The following SLC4A11 variants were observed in gnomAD, a reference collection of about 807,000 sequenced individuals.
SLC4A11 encodes bicarbonate transporter related protein 1.
A neutral mutation model predicts 95.0 loss-of-function variants in SLC4A11; 74 were observed. The observed-to-expected ratio is 0.78, with a 90% CI of 0.65 to 0.95. The LOEUF (loss-of-function observed/expected upper bound fraction) is 0.95, where lower values mean the gene tolerates loss of function less well. Among genes scored for constraint, SLC4A11 ranks in the 40% least tolerant of loss-of-function variants. SLC4A11 has a pLI of 0.00. For synonymous variants in SLC4A11, 548 were observed against 519.0 expected (o/e 1.06, Z -0.76); for missense variants, 1,081 against 1,192.4 (o/e 0.91, Z 1.38).
In SLC4A11 at chr20:3,229,711, C is replaced by T; in HGVS notation, c.1555G>A (p.Val519Ile). The T allele has an allele frequency of 6.2e-7, 1 of 1,613,990 alleles. No individual in the cohort carries two copies. The highest frequency in any genetic ancestry group is 2.2e-5 in the East Asian group (1 of 44,886). Residue 519 changes from valine (V) to isoleucine (I), a missense_variant, in exon 14 of 20, where the codon GTC becomes ATC. Coordinates refer to ENST00000642402, the MANE Select transcript of SLC4A11 (RefSeq NM_001174089.2). ...CTGGCGCCGAGGCCTGACAGGCTGA[C>T]AAGGGATGAAGTCCTTTTTGTGTGA... Reference protein sequence around the residue: ...DYHTKRTSSLVSLSGLGASLN... With the variant: ...DYHTKRTSSLISLSGLGASLN...
At chr20:3,238,482 G>A (rs1481371276) in intron 1 of SLC4A11, 9 of 1,012,494 alleles carry the variant, frequency 8.9e-6, no homozygotes, top group Non-Finnish European at 1.1e-5. Flanking sequence ...GGTCTGGGAG[G>A]GTTGGGCCGG....
At chr20:3,237,848 G>A (rs1347957028) in intron 1 of SLC4A11, 5 of 1,553,416 alleles carry the variant, frequency 3.2e-6, no homozygotes, top group Admixed American at 3.9e-5. Flanking sequence ...AGGCGAGGAG[G>A]AGAGACGTTC....
intron 2 of SLC4A11, among the ~76,000 whole-genome samples, chr20:3,237,170 T>C (rs968917156): frequency 6.6e-6 from 1 of 152,064 alleles, no homozygotes; most frequent in African/African-American, 2.4e-5. Context: ...ACAGAGGCCT[T>C]ATATTTCTTT....
At chr20:3,229,060 GCCCC>G in intron 16 of SLC4A11, 31 bp downstream of exon 16, 2 of 1,542,148 alleles carry the variant, frequency 1.3e-6, no homozygotes, top group Non-Finnish European at 1.7e-6. Context: ...AGAGGCCCGG[GCCCC>G]GCCCACCCCA....
intron 1 of SLC4A11, chr20:3,237,958 G>A (rs761671179): frequency 1.9e-6 from 3 of 1,550,498 alleles, no homozygotes; most frequent in South Asian, 2.4e-5. Flanking sequence ...AAGGGACCGG[G>A]CCCGAGCGGG....
Position 3,233,574 on chromosome 20 carries a change from G to A in SLC4A11, c.669C>T (p.Asn223=), listed in dbSNP as rs1349311608. 2 of 1,613,790 alleles carry A rather than the reference G, an allele frequency of 1.2e-6. No individual in the cohort carries two copies. The highest frequency in any genetic ancestry group is 3.3e-4 in the Middle Eastern group (2 of 6,062). Residue 223 remains asparagine (N), a synonymous_variant, in exon 7 of 20, where the codon AAC becomes AAT. Coordinates refer to ENST00000642402, the MANE Select transcript of SLC4A11 (RefSeq NM_001174089.2). ...VCISRLVRPQ[N]WGENSCEVRF... ...GAACCTCACAGGAATTCTCCCCCCA[G>A]TTCTGTGGGCGAACCAGGCGGCTGA...
intron 1 of SLC4A11, chr20:3,237,976 C>CCCTCTCTCCT: frequency 6.5e-7 from 1 of 1,550,090 alleles, no homozygotes; most frequent in Non-Finnish European, 8.7e-7. Context: ...GGGCCTCTCC[C>CCCTCTCTCCT]CCTCTCTCCT....
intron 19 of SLC4A11, among the ~76,000 whole-genome samples, 194 bp downstream of exon 19, chr20:3,228,065 G>GA (rs1456836390): frequency 8.0e-6 from 1 of 124,378 alleles, no homozygotes; most frequent in Non-Finnish European, 1.8e-5. Flanking sequence ...CTCTAGGCTG[G>GA]GCTCCTCCTG....
intron 7 of SLC4A11, among the ~76,000 whole-genome samples, chr20:3,233,031 G>T (rs996759619): frequency 2.4e-4 from 36 of 152,354 alleles, no homozygotes; most frequent in African/African-American, 8.4e-4. Context: ...AGCTGAAGCT[G>T]AAGGCGCTGC....
rs1383960989 is a variant in SLC4A11 at position 3,228,509 on chromosome 20, C to G, written c.2388+3G>C. 1.2e-6 allele frequency: 2 copies of G among 1,612,892 alleles called. No individual in the cohort carries two copies. Among genetic ancestry groups the G allele is most frequent in the Admixed American group, 1.7e-5 (1 of 59,986 alleles). On this transcript the variant is annotated splice_donor_region_variant and intron_variant, in intron 18 of 19. Coordinates refer to ENST00000642402, the MANE Select transcript of SLC4A11 (RefSeq NM_001174089.2). ...CCACTCCCTCGCAGGGCCAAGCGCTCACCTGCTCCTTGAGCAGCAGGGCCA... is the reference window on the plus strand; with the variant it reads ...CCACTCCCTCGCAGGGCCAAGCGCTGACCTGCTCCTTGAGCAGCAGGGCCA...
At chr20:3,229,503 C>T (rs945591032) in intron 14 of SLC4A11, 21 bp downstream of exon 14, 28 of 1,612,684 alleles carry the variant, frequency 1.7e-5, no homozygotes, top group Non-Finnish European at 2.1e-5. Flanking sequence ...CGGCCCCTCC[C>T]CTCCCCATGC....
At chr20:3,238,405 A>G in intron 1 of SLC4A11, 1 of 1,052,054 alleles carries the variant, frequency 9.5e-7, no homozygotes, top group Non-Finnish European at 1.1e-6. Flanking sequence ...GCGGGGCGGG[A>G]GCCGGGGCTG....
In SLC4A11 at chr20:3,227,630, C is replaced by T. The variant is rs923799038; in HGVS notation, c.*157G>A. Reference sequence around the variant, plus strand: ...GGAGAGGGGTGGGCACATACCACTGCACCCCTACAATGCCCAGATGCCCCA... The same window carrying T: ...GGAGAGGGGTGGGCACATACCACTGTACCCCTACAATGCCCAGATGCCCCA... On this transcript the variant is annotated 3_prime_UTR_variant, in exon 20 of 20. Coordinates refer to ENST00000642402, the MANE Select transcript of SLC4A11 (RefSeq NM_001174089.2). The T allele has an allele frequency of 4.2e-5, 31 of 740,994 alleles. No homozygotes were observed. Among genetic ancestry groups the T allele is most frequent in the Non-Finnish European group, 6.8e-5 (29 of 429,516 alleles). 45.9% of individuals were successfully genotyped at this position (740,994 alleles called of 1,614,324 possible).
Position 3,228,697 on chromosome 20 carries a change from C to T in SLC4A11, c.2203G>A (p.Val735Met), listed in dbSNP as rs748894688. The change falls in exon 18 of 20, where the codon GTG becomes ATG. Residue 735 changes from valine (V) to methionine (M), a missense_variant. Coordinates refer to ENST00000642402, the MANE Select transcript of SLC4A11 (RefSeq NM_001174089.2). Reference protein sequence around the residue: ...NGHIYDTIVNVKETRLTSLGA... With the variant: ...NGHIYDTIVNMKETRLTSLGA... ...AGCGAGGTCAGCCGCGTCTCCTTCA[C>T]GTTCACAATCCTGCGGTGGCCCGAG... is the stretch of plus-strand genomic sequence containing the variant. The T allele has an allele frequency of 2.2e-5, 36 of 1,612,838 alleles. 1 individual carries two copies. In the African/African-American group the frequency reaches 2.7e-4, roughly 12 times the overall value.
In SLC4A11 at chr20:3,237,561, C is replaced by A; in HGVS notation, c.71G>T (p.Gly24Val). The change falls in exon 2 of 20, where the codon GGA (glycine) becomes GTA (valine). Residue 24 changes from glycine (G) to valine (V), a missense_variant. Coordinates refer to ENST00000642402, the MANE Select transcript of SLC4A11 (RefSeq NM_001174089.2). ...GTACTCACTTGAATCCTCGAAGTAT[C>A]CATTCTGCGACATGGTGGGAGAGTT... ...CENSPTMSQN[G>V]YFEDSSYYKC... 6.2e-7 allele frequency: 1 copy of A among 1,614,094 alleles called. No homozygotes were observed. Among genetic ancestry groups the A allele is most frequent in the Non-Finnish European group, 8.5e-7 (1 of 1,180,024 alleles).
intron 1 of SLC4A11, 89 bp from the exon 2 acceptor site, chr20:3,237,677 C>G (rs1189092651): frequency 6.2e-7 from 1 of 1,613,978 alleles, no homozygotes; most frequent in East Asian, 2.2e-5. Flanking sequence ...CGACCTGGCT[C>G]ATTCCTTCGC....
intron 19 of SLC4A11, 115 bp downstream of exon 19, chr20:3,228,144 C>CCCCCCCCCCCCAAA: frequency 5.6e-6 from 4 of 718,212 alleles, no homozygotes; most frequent in Non-Finnish European, 9.6e-6. Flanking sequence ...GCACCCACCC[C>CCCCCCCCCCCCAAA]AACCCGCCCA....
intron 1 of SLC4A11, chr20:3,238,050 G>A: frequency 6.7e-7 from 1 of 1,492,372 alleles, no homozygotes; most frequent in African/African-American, 1.4e-5. Context: ...GGTCCTGGGG[G>A]CCATAAACGC....
chr20:3,231,391 G>A lies in SLC4A11; in HGVS notation c.887C>T (p.Pro296Leu), dbSNP rs200056974. 1.1e-5 allele frequency: 18 copies of A among 1,614,098 alleles called. No homozygotes were observed. The Admixed American group carries it at 1.5e-4, about 13-fold the overall frequency. The change falls in exon 8 of 20, where the codon CCA becomes CTA. Residue 296 changes from proline (P) to leucine (L), a missense_variant. Physicochemically the swap from Pro to Leu is moderately conservative, Grantham distance 98. Transcript: ENST00000642402. This position sits in a 1 kb window ranked among gnomAD's most constrained non-coding sequence, Gnocchi z 5.2. ...RQLLTMVSHG[P>L]VAPRTKERST... ...GCGTTCCTTCGTTCTCGGCGCCACTGGACCGTGGCTCACCATGGTGAGCAG... is the reference window on the plus strand; with the variant it reads ...GCGTTCCTTCGTTCTCGGCGCCACTAGACCGTGGCTCACCATGGTGAGCAG...
Sources: allele counts gnomAD v4.1 joint callset (sites outside exome capture counted in the v4.1 genomes callset), GRCh38; gene constraint gnomAD v4.1.1; non-coding constraint Gnocchi (gnomAD v3.1); transcripts MANE v1.5; gene names NCBI Gene and HGNC (gene_info 2026-07-23, HGNC 2026-07-21).